ZNF729: variants seen among roughly 807,000 people sequenced by gnomAD.
The protein encoded by ZNF729 is zinc finger protein 729.
Under a neutral mutation model 12.2 loss-of-function variants are expected in ZNF729, and 15 were observed. The ratio of observed to expected loss-of-function variants is 1.23; its 90% CI spans 0.82 to 1.89. The LOEUF is 1.89. ZNF729 is among the 40% of genes most tolerant of loss of function. ZNF729 has a pLI of 0.00. For synonymous variants in ZNF729, 492 were observed against 476.3 expected (o/e 1.03, Z -0.43); for missense variants, 1,540 against 1,456.7 (o/e 1.06, Z -0.93).
At chr19:22,295,525 G>GGACTACAGGC (rs1224901952) in intron 1 of ZNF729, among the ~76,000 whole-genome samples, 2 of 151,774 alleles carry the variant, frequency 1.3e-5, no homozygotes, top group South Asian at 2.1e-4. Flanking sequence ...CGAGTAGCTG[G>GGACTACAGGC]GACTACAGGC....
At chr19:22,301,192 A>G (rs190820350) in intron 1 of ZNF729, among the ~76,000 whole-genome samples, 4 of 152,294 alleles carry the variant, frequency 2.6e-5, no homozygotes, top group African/African-American at 9.6e-5. Context: ...AATAATAAAA[A>G]TTTCTGACAA....
At position 22,314,590 on chromosome 19, in the gene ZNF729, T is replaced by C; in HGVS notation, c.1173T>C (p.Leu391=). ...CGKAFKWSSK[L]TVHKVVHTGE... is the part of the protein sequence containing the mutation. ...AAGCTTTTAAGTGGTCTTCAAAACTTACTGTACATAAGGTAGTTCATACTG... is the reference window on the plus strand; with the variant it reads ...AAGCTTTTAAGTGGTCTTCAAAACTCACTGTACATAAGGTAGTTCATACTG... Residue 391 remains leucine (L), a synonymous_variant, in exon 4 of 4, where the codon CTT becomes CTC. Transcript: ENST00000601693. 6.2e-7 allele frequency: 1 copy of C among 1,611,616 alleles called. No individual in the cohort carries two copies. Among genetic ancestry groups the C allele is most frequent in the South Asian group, 1.1e-5 (1 of 91,046 alleles).
intron 1 of ZNF729, among the ~76,000 whole-genome samples, chr19:22,293,374 C>T (rs757237827): frequency 2.0e-5 from 3 of 151,518 alleles, no homozygotes; most frequent in African/African-American, 7.3e-5. Flanking sequence ...TTAGTAGAGA[C>T]AAGGTTTAAC....
At chr19:22,286,943 G>C (rs1238594918) in intron 1 of ZNF729, among the ~76,000 whole-genome samples, 1 of 152,174 alleles carries the variant, frequency 6.6e-6, no homozygotes, top group Non-Finnish European at 1.5e-5. Context: ...CTTTTCTTCT[G>C]TTAAAAATTT....
chr19:22,297,136 T>A (rs889780702), intron 1 of ZNF729, among the ~76,000 whole-genome samples: 1 of 152,226 alleles, frequency 6.6e-6, no homozygotes, highest in Admixed American at 6.5e-5. Flanking sequence ...TATTTTTGTT[T>A]ATTTTCTGCC....
Position 22,316,737 on chromosome 19 carries a change from A to C in ZNF729, c.3320A>C (p.Asp1107Ala). 1 of 1,612,972 alleles carries C rather than the reference A, an allele frequency of 6.2e-7. No homozygotes were observed. The highest frequency in any genetic ancestry group is 8.5e-7 in the Non-Finnish European group (1 of 1,179,704). ...ACTGGAAAGAAACCCTACCAATGTG[A>C]CGAATGTGGCAAAGCTTTTAACAAT... ...IHTGKKPYQC[D>A]ECGKAFNNSS... Residue 1107 changes from aspartate (D) to alanine (A), a missense_variant, in exon 4 of 4, where the codon GAC becomes GCC. By Grantham distance (126) the Asp-to-Ala change is moderately radical (BLOSUM62 -2). Coordinates refer to ENST00000601693, the MANE Select transcript of ZNF729 (RefSeq NM_001242680.2).
At position 22,313,956 on chromosome 19, in the gene ZNF729, T is replaced by G. The variant is rs1213033129; in HGVS notation, c.539T>G (p.Phe180Cys). The G allele has an allele frequency of 4.6e-6, 7 of 1,537,278 alleles. No homozygotes were observed. The highest frequency in any genetic ancestry group is 6.1e-6 in the Non-Finnish European group (7 of 1,144,348). ...GTTAGACACACTAAAAAGAAAACTTTCAAATGTATAAAATGTAGCAAATCA... is the reference window on the plus strand; with the variant it reads ...GTTAGACACACTAAAAAGAAAACTTGCAAATGTATAAAATGTAGCAAATCA... ...NKVRHTKKKT[F>C]KCIKCSKSFF... The change falls in exon 4 of 4, where the codon TTC (phenylalanine) becomes TGC (cysteine). Residue 180 changes from phenylalanine to cysteine, a missense_variant. Transcript: ENST00000601693.
At chr19:22,287,238 CA>C (rs34031946) in intron 1 of ZNF729, among the ~76,000 whole-genome samples, 16,820 of 140,672 alleles carry the variant, frequency 0.12, 1,283 homozygotes, top group East Asian at 0.29. Context: ...GTATAATTTA[CA>C]AAAAAAAAAA....
chr19:22,309,175 G>A (rs1251025143), intron 3 of ZNF729, among the ~76,000 whole-genome samples: 20 of 152,112 alleles, frequency 1.3e-4, no homozygotes, highest in Admixed American at 1.0e-3. Context: ...GGCCGGGTGC[G>A]GTGGCTCATG....
intron 1 of ZNF729, 73 bp downstream of exon 1, chr19:22,286,628 G>A: frequency 6.3e-7 from 1 of 1,590,908 alleles, no homozygotes; most frequent in South Asian, 1.1e-5. Flanking sequence ...GGCTGTGGCG[G>A]GACTCCGGCC....
rs1042284601 is a variant in ZNF729, at chr19:22,293,860, C to G, written c.30+7305C>G. ...TGTAAACTTAAGTTTTTTATGGATT[C>G]TGGATATTAGACCTTTGTCAAAAGC... On this transcript the variant is annotated intron_variant, in intron 1 of 3. Transcript: ENST00000601693. 3.1e-4 allele frequency among the ~76,000 whole-genome samples: 47 copies of G among 152,124 alleles called. 1 individual carries two copies. Among genetic ancestry groups the G allele is most frequent in the African/African-American group, 8.4e-4 (35 of 41,522 alleles).
At chr19:22,305,790 T>G in intron 3 of ZNF729, among the ~76,000 whole-genome samples, 1 of 152,232 alleles carries the variant, frequency 6.6e-6, no homozygotes, top group African/African-American at 2.4e-5. Context: ...ATCTTCTTTC[T>G]TTTTCTTTTA....
intron 1 of ZNF729, among the ~76,000 whole-genome samples, chr19:22,287,950 A>G (rs559613888): frequency 4.0e-5 from 6 of 151,568 alleles, no homozygotes; most frequent in Non-Finnish European, 8.8e-5. Flanking sequence ...GGTTCAAGCA[A>G]TTCTCCTGCC....
Position 22,316,296 on chromosome 19 carries a change from G to C in ZNF729, c.2879G>C (p.Gly960Ala). 1 of 1,613,360 alleles carries C rather than the reference G, an allele frequency of 6.2e-7. No homozygotes were observed. The highest frequency in any genetic ancestry group is 8.5e-7 in the Non-Finnish European group (1 of 1,179,648). The change falls in exon 4 of 4, where the codon GGG (glycine) becomes GCG (alanine). Residue 960 changes from glycine (G) to alanine (A), a missense_variant. Transcript: ENST00000601693. ...TLMKHKIIHTGKKPYKCAECG... is the reference protein window; with the variant it reads ...TLMKHKIIHTAKKPYKCAECG... ...ATGAAGCATAAGATAATTCATACTG[G>C]GAAGAAACCATACAAATGTGCAGAA...
At chr19:22,291,922 CAG>C (rs1235740465) in intron 1 of ZNF729, among the ~76,000 whole-genome samples, 1 of 152,074 alleles carries the variant, frequency 6.6e-6, no homozygotes, top group African/African-American at 2.4e-5. Context: ...TTAGTAGAGA[CAG>C]AGTTTCACCG....
At position 22,316,043 on chromosome 19, in the gene ZNF729, G is replaced by A. The variant is rs776965536; in HGVS notation, c.2626G>A (p.Gly876Arg). 1.2e-6 allele frequency: 2 copies of A among 1,610,370 alleles called. No individual in the cohort carries two copies. Among genetic ancestry groups the A allele is most frequent in the South Asian group, 1.1e-5 (1 of 91,044 alleles). ...TAGAAAACATGAGATAATTCATAGT[G>A]GAGAGAAACCATACAAATGTGAAGA... is the stretch of plus-strand genomic sequence containing the variant. ...SLRKHEIIHSGEKPYKCEECG... is the reference protein window; with the variant it reads ...SLRKHEIIHSREKPYKCEECG... Residue 876 changes from glycine to arginine, a missense_variant, in exon 4 of 4, where the codon GGA becomes AGA. Gly to Arg is a moderately radical substitution (Grantham distance 125). Transcript: ENST00000601693.
rs111353460 is a variant in ZNF729, at chr19:22,287,616, C to A, written c.30+1061C>A. Among the ~76,000 whole-genome samples the A allele has an allele frequency of 3.0e-3, 448 of 151,642 alleles. 4 individuals are homozygous for A. Among genetic ancestry groups the A allele is most frequent in the African/African-American group, 0.011 (436 of 41,380 alleles). ...TATCAGGGACTAGAGCCACCTCAGT[C>A]TAATTGCCTGCCACTTAATTATTCT... On this transcript the variant is annotated intron_variant, in intron 1 of 3. Coordinates refer to ENST00000601693, the MANE Select transcript of ZNF729 (RefSeq NM_001242680.2).
intron 1 of ZNF729, among the ~76,000 whole-genome samples, chr19:22,301,125 C>G (rs1340591448): frequency 6.6e-6 from 1 of 152,148 alleles, no homozygotes; most frequent in Non-Finnish European, 1.5e-5. Flanking sequence ...GACACTATAA[C>G]TTGTACCGTA....
At chr19:22,289,038 T>C (rs1337686161) in intron 1 of ZNF729, among the ~76,000 whole-genome samples, 1 of 152,042 alleles carries the variant, frequency 6.6e-6, no homozygotes, top group African/African-American at 2.4e-5. Flanking sequence ...GATGGCCTGA[T>C]TGAAACATGA....
Sources: gnomAD v4.1 joint callset for allele counts (sites outside exome capture counted in the v4.1 genomes callset) on GRCh38, gnomAD v4.1.1 for gene constraint, MANE v1.5 for transcripts, NCBI Gene and HGNC (gene_info 2026-07-23, HGNC 2026-07-21) for gene names.